Variants in ANO3 observed in about 807,000 individuals in gnomAD.
ANO3 encodes anoctamin 3.
Under a neutral mutation model 144.8 loss-of-function variants are expected in ANO3, and 99 were observed. The ratio of observed to expected loss-of-function variants is 0.68; its 90% confidence interval spans 0.58 to 0.81. The LOEUF (loss-of-function observed/expected upper bound fraction) is 0.81, where lower values mean the gene tolerates loss of function less well. ANO3 is among the 30% of genes least tolerant of loss of function. ANO3 has a pLI of 0.00. For synonymous variants in ANO3, 414 were observed against 392.6 expected (o/e 1.05, Z -0.64); for missense variants, 905 against 1,202.2 (o/e 0.75, Z 3.66).
chr11:26,271,923 G>A (rs1171099460), intron 1 of ANO3, among the ~76,000 whole-genome samples: 3 of 152,060 alleles, frequency 2.0e-5, no homozygotes. Flanking sequence ...GAATTAGAAA[G>A]GGCTAGCAGC....
intron 1 of ANO3, among the ~76,000 whole-genome samples, chr11:26,356,438 A>G (rs542850075): frequency 6.6e-6 from 1 of 152,298 alleles, no homozygotes; most frequent in South Asian, 2.1e-4. Context: ...GTCCACTAGT[A>G]TGCTTCTGTC....
intron 1 of ANO3, among the ~76,000 whole-genome samples, chr11:26,267,315 C>T (rs989240796): frequency 2.0e-5 from 3 of 152,032 alleles, no homozygotes; most frequent in Admixed American, 1.3e-4. Flanking sequence ...GTGTTTGTGA[C>T]GATTCCCTAA....
chr11:26,586,534 C>T (rs564750665), intron 14 of ANO3, among the ~76,000 whole-genome samples: 3 of 49,866 alleles, frequency 6.0e-5, no homozygotes, highest in African/African-American at 2.7e-4. Flanking sequence ...GACATAGTCT[C>T]ATTCTATCGC....
intron 1 of ANO3, among the ~76,000 whole-genome samples, chr11:26,420,174 A>G (rs774763917): frequency 1.1e-4 from 16 of 152,072 alleles, no homozygotes; most frequent in Non-Finnish European, 2.1e-4. Flanking sequence ...TCCTGCTAGC[A>G]AGCAAACTCA....
intron 1 of ANO3, among the ~76,000 whole-genome samples, chr11:26,421,866 G>T (rs182416066): frequency 6.6e-6 from 1 of 152,188 alleles, no homozygotes; most frequent in African/African-American, 2.4e-5. Context: ...AATATCGCAT[G>T]TTCTCACTTT....
intron 24 of ANO3, among the ~76,000 whole-genome samples, chr11:26,652,758 T>C (rs1853572564): frequency 6.6e-6 from 1 of 152,172 alleles, no homozygotes; most frequent in Non-Finnish European, 1.5e-5. Flanking sequence ...TGTTCTCCAA[T>C]TCCCCTTCTC....
At chr11:26,413,626 A>AC (rs796998868) in intron 1 of ANO3, among the ~76,000 whole-genome samples, 65 of 152,196 alleles carry the variant, frequency 4.3e-4, no homozygotes, top group African/African-American at 1.5e-3. Context: ...GGAAGGTTGC[A>AC]CACCCAAGGC....
chr11:26,237,407 T>A (rs1363565246), intron 1 of ANO3, among the ~76,000 whole-genome samples: 2 of 151,992 alleles, frequency 1.3e-5, no homozygotes, highest in Admixed American at 1.3e-4. Context: ...ACCATAAAAA[T>A]TTATTTATTA....
Position 26,266,047 on chromosome 11 carries a change from C to T in ANO3, c.155-43598C>T, listed in dbSNP as rs572790025. Among the ~76,000 whole-genome samples the T allele has an allele frequency of 4.6e-5, 7 of 152,130 alleles. No individual in the cohort carries two copies. In the South Asian group the frequency reaches 1.2e-3, roughly 27 times the overall value. On this transcript the variant is annotated intron_variant, in intron 1 of 27. Transcript: ENST00000672621. The stretch of plus-strand genomic sequence containing the variant: ...TAAGGAAAATATATTTCAAATAAAC[C>T]TTCTATCTCTCATCTTTAAAATGAA...
intron 1 of ANO3, among the ~76,000 whole-genome samples, chr11:26,269,845 C>T (rs1853403289): frequency 6.6e-6 from 1 of 152,206 alleles, no homozygotes; most frequent in East Asian, 1.9e-4. Flanking sequence ...CCGAAATCCC[C>T]AGTACCTCTC....
chr11:26,519,352 T>C (rs1350199102), intron 6 of ANO3, among the ~76,000 whole-genome samples: 1 of 152,222 alleles, frequency 6.6e-6, no homozygotes, highest in African/African-American at 2.4e-5. Context: ...TCCATTTTTT[T>C]ATTTCCGTTG....
At chr11:26,293,529 CCATGTA>C (rs1564952496) in intron 1 of ANO3, among the ~76,000 whole-genome samples, 2 of 30,686 alleles carry the variant, frequency 6.5e-5, no homozygotes, top group Non-Finnish European at 1.2e-4. Context: ...TCTATAAATT[CCATGTA>C]TATATATATA....
At chr11:26,604,081 G>C (rs991126589) in intron 17 of ANO3, among the ~76,000 whole-genome samples, 3 of 151,978 alleles carry the variant, frequency 2.0e-5, no homozygotes, top group African/African-American at 7.2e-5. Context: ...TGTACCCATT[G>C]ATCAACCTCT....
intron 11 of ANO3, among the ~76,000 whole-genome samples, chr11:26,543,010 T>C (rs532489195): frequency 6.6e-6 from 1 of 152,092 alleles, no homozygotes; most frequent in African/African-American, 2.4e-5. Context: ...AAGAACTATA[T>C]ACAGAAGCAT....
At chr11:26,400,007 C>A (rs1419204534) in intron 1 of ANO3, among the ~76,000 whole-genome samples, 3 of 152,086 alleles carry the variant, frequency 2.0e-5, no homozygotes, top group Non-Finnish European at 4.4e-5. Context: ...ATTCTGCTAA[C>A]CACATGTAGA....
At chr11:26,434,294 TTG>T (rs1858219910) in intron 1 of ANO3, among the ~76,000 whole-genome samples, 1 of 152,174 alleles carries the variant, frequency 6.6e-6, no homozygotes, top group South Asian at 2.1e-4. Context: ...TCATTTCTGA[TTG>T]TGTTTACATG....
intron 3 of ANO3, among the ~76,000 whole-genome samples, chr11:26,453,795 C>A (rs1859040519): frequency 6.6e-6 from 1 of 152,052 alleles, no homozygotes; most frequent in Non-Finnish European, 1.5e-5. Context: ...CAGCACCACA[C>A]CACACCTATT....
At chr11:26,571,962 G>T in intron 14 of ANO3, 6 of 547,624 alleles carry the variant, frequency 1.1e-5, no homozygotes, top group Non-Finnish European at 1.4e-5. Context: ...GATTCTCTTT[G>T]GTAAATAATC....
At chr11:26,240,819 T>C (rs1352453746) in intron 1 of ANO3, among the ~76,000 whole-genome samples, 3 of 152,208 alleles carry the variant, frequency 2.0e-5, no homozygotes. Flanking sequence ...TACACTTGAA[T>C]ATTCTGTATG....
Sources: allele counts gnomAD v4.1 joint callset (sites outside exome capture counted in the v4.1 genomes callset), GRCh38; gene constraint gnomAD v4.1.1; transcripts MANE v1.5; gene names NCBI Gene and HGNC (gene_info 2026-07-23, HGNC 2026-07-21).